MAD1L1: variants seen among roughly 807,000 people sequenced by gnomAD.
The protein encoded by MAD1L1 is mitotic spindle assembly checkpoint protein MAD1.
A neutral mutation model predicts 96.9 loss-of-function variants in MAD1L1; 95 were observed. The observed-to-expected ratio is 0.98, with a 90% CI of 0.83 to 1.16. MAD1L1 has a LOEUF of 1.16. MAD1L1 is among the 50% of genes most tolerant of loss of function. The pLI, the probability that MAD1L1 is intolerant of heterozygous loss-of-function variation, is 0.00. For missense variants in MAD1L1, 1,007 were observed against 954.4 expected (o/e 1.06, Z -0.73); for synonymous variants, 473 against 396.6 (o/e 1.19, Z -2.29).
chr7:1,960,019 T>C (rs1253924583), intron 15 of MAD1L1, among the ~76,000 whole-genome samples: 1 of 152,152 alleles, frequency 6.6e-6, no homozygotes, highest in Non-Finnish European at 1.5e-5. Context: ...ATAAAATGTA[T>C]GACAACAGTA....
chr7:2,176,151 C>T (rs192571890), intron 10 of MAD1L1, among the ~76,000 whole-genome samples: 97 of 152,230 alleles, frequency 6.4e-4, no homozygotes, highest in African/African-American at 2.3e-3. Flanking sequence ...AGTTCAAGAC[C>T]AGCCTGGCCA....
intron 11 of MAD1L1, among the ~76,000 whole-genome samples, chr7:2,143,466 G>A (rs1366368454): frequency 6.6e-6 from 1 of 151,586 alleles, no homozygotes; most frequent in Non-Finnish European, 1.5e-5. Context: ...CTAGTAAACT[G>A]ATCTTCACTC....
chr7:2,155,818 G>A (rs545221525), intron 10 of MAD1L1, among the ~76,000 whole-genome samples: 4 of 152,210 alleles, frequency 2.6e-5, no homozygotes, highest in Non-Finnish European at 5.9e-5. Context: ...GGGTGGATAC[G>A]CAGAAGCGGC....
In MAD1L1 at chr7:2,103,056, G is replaced by A. The variant is rs1165880932; in HGVS notation, c.1074-33718C>T. 1.3e-5 allele frequency among the ~76,000 whole-genome samples: 2 copies of A among 152,210 alleles called. No individual in the cohort carries two copies. Among genetic ancestry groups the A allele is most frequent in the African/African-American group, 4.8e-5 (2 of 41,444 alleles). The stretch of plus-strand genomic sequence containing the variant: ...CTGCCAACACCTGGGTCAGCGCTGG[G>A]TCAGGCCTGGCCACGCTGCCTGCCT... On this transcript the variant is annotated intron_variant, in intron 11 of 18. Transcript: ENST00000265854. This position sits in a 1 kb window ranked among gnomAD's most constrained non-coding sequence, Gnocchi z 4.3.
chr7:2,066,142 T>A (rs1784865745), intron 12 of MAD1L1, among the ~76,000 whole-genome samples: 1 of 152,148 alleles, frequency 6.6e-6, no homozygotes, highest in Non-Finnish European at 1.5e-5. Flanking sequence ...CCAAGCACCG[T>A]GTACTAAAAT....
At chr7:1,998,492 A>AG (rs1781654343) in intron 14 of MAD1L1, among the ~76,000 whole-genome samples, 1 of 152,180 alleles carries the variant, frequency 6.6e-6, no homozygotes, top group South Asian at 2.1e-4. Flanking sequence ...CATGGCCCCC[A>AG]GGCACGTTTC....
chr7:2,067,265 G>A (rs947395541), intron 12 of MAD1L1, among the ~76,000 whole-genome samples: 1 of 150,588 alleles, frequency 6.6e-6, no homozygotes, highest in South Asian at 2.1e-4. Flanking sequence ...GCAGGCACCC[G>A]GGGTCATCAG....
chr7:1,829,010 C>A (rs1044606607), intron 18 of MAD1L1, among the ~76,000 whole-genome samples: 17 of 152,086 alleles, frequency 1.1e-4, no homozygotes, highest in Admixed American at 3.9e-4. Flanking sequence ...GGAAACCGTC[C>A]GAGATGAAAC....
At position 1,968,592 on chromosome 7, in the gene MAD1L1, C is replaced by T. The variant is rs1332453616; in HGVS notation, c.1506-10873G>A. Among the ~76,000 whole-genome samples the T allele has an allele frequency of 2.0e-5, 3 of 151,852 alleles. No homozygotes were observed. The highest frequency in any genetic ancestry group is 4.4e-5 in the Non-Finnish European group (3 of 67,928). ...GCGGTCAGGTCCACTGTCCACGCCT[C>T]AGTCCGGCAGTCAGGTCCGCTGTCA... On this transcript the variant is annotated intron_variant, in intron 15 of 18. Transcript: ENST00000265854. The surrounding 1 kb of genome is among the most constrained non-coding windows in gnomAD (Gnocchi z 5.6).
intron 18 of MAD1L1, among the ~76,000 whole-genome samples, chr7:1,892,985 G>A (rs1786642865): frequency 6.6e-6 from 1 of 152,230 alleles, no homozygotes; most frequent in Non-Finnish European, 1.5e-5. Context: ...GGGAGGTGGG[G>A]AAAATTCCGT....
chr7:2,167,405 C>T (rs1353995621), intron 10 of MAD1L1, among the ~76,000 whole-genome samples: 7 of 152,002 alleles, frequency 4.6e-5, no homozygotes, highest in Non-Finnish European at 1.0e-4. Flanking sequence ...AAAAATTAGC[C>T]GGGCATGGTG....
At chr7:1,837,293 G>C (rs1324260625) in intron 18 of MAD1L1, among the ~76,000 whole-genome samples, 1 of 152,202 alleles carries the variant, frequency 6.6e-6, no homozygotes, top group Non-Finnish European at 1.5e-5. Context: ...AAATTAAAAA[G>C]ACTGATCATG....
chr7:2,132,719 G>A (rs1042894719), intron 11 of MAD1L1, among the ~76,000 whole-genome samples: 3 of 152,154 alleles, frequency 2.0e-5, no homozygotes, highest in African/African-American at 7.2e-5. Context: ...TTCACAGCTT[G>A]GTAGCTCATT....
intron 11 of MAD1L1, among the ~76,000 whole-genome samples, chr7:2,107,268 G>A (rs1479159447): frequency 6.6e-6 from 1 of 152,196 alleles, no homozygotes; most frequent in African/African-American, 2.4e-5. Context: ...GTGGCAGGAA[G>A]CCCAGTCCAG....
At chr7:1,955,908 C>T (rs190643283) in intron 16 of MAD1L1, among the ~76,000 whole-genome samples, 9 of 144,996 alleles carry the variant, frequency 6.2e-5, no homozygotes, top group Non-Finnish European at 1.3e-4. Flanking sequence ...ACAGATGAAA[C>T]GAACTATTTT....
intron 11 of MAD1L1, among the ~76,000 whole-genome samples, chr7:2,090,355 C>T (rs145046962): frequency 5.9e-5 from 9 of 152,340 alleles, no homozygotes; most frequent in African/African-American, 2.2e-4. Context: ...CAAAACCTCC[C>T]AATGATCCTT....
intron 1 of MAD1L1, among the ~76,000 whole-genome samples, chr7:2,231,170 C>T (rs539109202): frequency 3.9e-5 from 6 of 152,024 alleles, no homozygotes; most frequent in African/African-American, 2.4e-5. Flanking sequence ...TGGTGGTGTG[C>T]GCCTGTAATC....
intron 10 of MAD1L1, among the ~76,000 whole-genome samples, chr7:2,212,456 G>A (rs1792998089): frequency 6.6e-6 from 1 of 152,216 alleles, no homozygotes. Flanking sequence ...GGGCCCCGTG[G>A]GAAGTGTTTG....
intron 14 of MAD1L1, among the ~76,000 whole-genome samples, chr7:1,992,333 C>G (rs567136145): frequency 6.6e-6 from 1 of 152,252 alleles, no homozygotes; most frequent in Non-Finnish European, 1.5e-5. Flanking sequence ...AGAACCTTCA[C>G]TGGGATCAAT....
Sources: gnomAD v4.1 joint callset for allele counts (sites outside exome capture counted in the v4.1 genomes callset) on GRCh38, gnomAD v4.1.1 for gene constraint, Gnocchi (gnomAD v3.1) non-coding constraint, MANE v1.5 for transcripts, NCBI Gene and HGNC (gene_info 2026-07-23, HGNC 2026-07-21) for gene names.